AGL: variants seen among roughly 807,000 people sequenced by gnomAD.
AGL encodes the protein amylo-alpha-1,6-glucosidase and 4-alpha-glucanotransferase, also known as glycogen debranching enzyme.
In AGL, 128 loss-of-function variants were observed where a neutral mutation model predicts 199.3. The ratio of observed to expected loss-of-function variants is 0.64; its 90% CI spans 0.56 to 0.74. The LOEUF (loss-of-function observed/expected upper bound fraction) is 0.74. Ranked by LOEUF, AGL falls within the 30% of genes least tolerant of loss-of-function variation. AGL has a pLI of 0.00. For synonymous variants in AGL, 584 were observed against 594.7 expected, an observed-to-expected ratio of 0.98 and a Z score of 0.26; for missense variants, 1,809 against 1,820.8, an observed-to-expected ratio of 0.99 and a Z score of 0.12.
intron 7 of AGL, among the ~76,000 whole-genome samples, chr1:99,874,027 A>G (rs750045180): frequency 5.3e-5 from 8 of 152,110 alleles, no homozygotes; most frequent in Non-Finnish European, 1.0e-4. Flanking sequence ...CCCAAAAACC[A>G]TTTATTTCCT....
At position 99,881,110 on chromosome 1, in the gene AGL, C is replaced by T; in HGVS notation, c.1934C>T (p.Thr645Ile). 1 of 1,613,912 alleles carries T rather than the reference C, an allele frequency of 6.2e-7. No homozygotes were observed. The highest frequency in any genetic ancestry group is 8.5e-7 in the Non-Finnish European group (1 of 1,179,910). Residue 645 changes from threonine (T) to isoleucine (I), a missense_variant, in exon 15 of 34, where the codon ACA (threonine) becomes ATA (isoleucine). Transcript: ENST00000361915. Reference protein sequence around the residue: ...RSAYDALPSTTIVSMACCASG... With the variant: ...RSAYDALPSTIIVSMACCASG... ...GCGTATGATGCTCTTCCAAGTACTACAATTGTTTCTATGGCATGTTGTGCT... is the reference window on the plus strand; with the variant it reads ...GCGTATGATGCTCTTCCAAGTACTATAATTGTTTCTATGGCATGTTGTGCT...
intron 7 of AGL, among the ~76,000 whole-genome samples, chr1:99,871,699 A>G (rs1231951144): frequency 6.6e-6 from 1 of 152,158 alleles, no homozygotes; most frequent in African/African-American, 2.4e-5. Context: ...TAACACCTTA[A>G]TACAGGAATT....
At chr1:99,855,798 C>G (rs1344902826) in intron 2 of AGL, among the ~76,000 whole-genome samples, 1 of 149,314 alleles carries the variant, frequency 6.7e-6, no homozygotes. Context: ...GAGACTCGGT[C>G]TCAAAAAAAA....
intron 2 of AGL, among the ~76,000 whole-genome samples, chr1:99,851,640 C>G (rs1456350893): frequency 6.6e-6 from 1 of 151,932 alleles, no homozygotes; most frequent in Non-Finnish European, 1.5e-5. Flanking sequence ...ATTTTCTTAG[C>G]AAATAAAAAG....
At chr1:99,863,519 C>G (rs1383953778) in intron 4 of AGL, among the ~76,000 whole-genome samples, 1 of 152,102 alleles carries the variant, frequency 6.6e-6, no homozygotes, top group Non-Finnish European at 1.5e-5. Context: ...TTGGCGCAAT[C>G]TCGGCTCACT....
At chr1:99,911,186 A>G (rs778424423) in intron 28 of AGL, among the ~76,000 whole-genome samples, 1 of 152,226 alleles carries the variant, frequency 6.6e-6, no homozygotes, top group Non-Finnish European at 1.5e-5. Flanking sequence ...TTTTGCAAAC[A>G]TAGAAAACAA....
chr1:99,906,660 C>T (rs1411618167), intron 27 of AGL, among the ~76,000 whole-genome samples: 3 of 152,092 alleles, frequency 2.0e-5, no homozygotes, highest in Non-Finnish European at 4.4e-5. Context: ...CTGATTTTTT[C>T]CACTTAGCAT....
chr1:99,897,271 A>G (rs1007961126), intron 25 of AGL, among the ~76,000 whole-genome samples: 2 of 152,170 alleles, frequency 1.3e-5, no homozygotes, highest in African/African-American at 4.8e-5. Flanking sequence ...CTTGGACCCT[A>G]TGCCAAACCT....
chr1:99,882,068 G>T (rs11166366), intron 17 of AGL, among the ~76,000 whole-genome samples: 2 of 150,924 alleles, frequency 1.3e-5, no homozygotes, highest in East Asian at 1.9e-4. Context: ...GAGCCCAGCA[G>T]GCAGTGGTTA....
At chr1:99,866,666 C>T (rs888008572) in intron 5 of AGL, among the ~76,000 whole-genome samples, 1 of 152,162 alleles carries the variant, frequency 6.6e-6, no homozygotes. Flanking sequence ...CTGAGTACAG[C>T]AGCAGTCTCT....
chr1:99,889,773 CCTTATCTTTCTAATGAAATGATTCTT>C lies in AGL; in HGVS notation c.2813-1437_2813-1412del, dbSNP rs1399146427. 3.3e-5 allele frequency among the ~76,000 whole-genome samples: 5 copies of C among 152,164 alleles called. No homozygotes were observed. In the East Asian group the frequency reaches 9.7e-4, roughly 29 times the overall value. On this transcript the variant is annotated intron_variant, in intron 21 of 33. Coordinates refer to ENST00000361915, the MANE Select transcript of AGL (RefSeq NM_000642.3). ...TTAAGTTTGGTTCTTTGCTAATTCT[CCTTATCTTTCTAATGAAATGATTCTT>C]CTTATCTTTTCTAAATAGAATTGCC...
chr1:99,898,391 G>C (rs1299847760), intron 25 of AGL, among the ~76,000 whole-genome samples: 1 of 152,062 alleles, frequency 6.6e-6, no homozygotes, highest in Non-Finnish European at 1.5e-5. Flanking sequence ...TTTAAAAGAA[G>C]AAAGCATGTG....
chr1:99,907,229 G>T (rs1347959186), intron 27 of AGL, among the ~76,000 whole-genome samples: 1 of 152,090 alleles, frequency 6.6e-6, no homozygotes, highest in African/African-American at 2.4e-5. Flanking sequence ...TTATTGACTT[G>T]TAGAAGTTTC....
At chr1:99,897,413 C>G (rs1373790754) in intron 25 of AGL, among the ~76,000 whole-genome samples, 4 of 152,166 alleles carry the variant, frequency 2.6e-5, no homozygotes, top group Non-Finnish European at 1.5e-5. Flanking sequence ...ATAAAACTTT[C>G]AGCAAAAGGG....
chr1:99,857,847 A>AGGGGGAGGCCGTGGGG (rs1649686521), intron 2 of AGL, among the ~76,000 whole-genome samples: 1 of 8,226 alleles, frequency 1.2e-4, no homozygotes. Context: ...GGGGAGGGGG[A>AGGGGGAGGCCGTGGGG]GGGGGGAAGA....
intron 30 of AGL, 34 bp from the exon 31 acceptor site, chr1:99,915,355 A>C (rs1440570954): frequency 6.5e-7 from 1 of 1,532,676 alleles, no homozygotes; most frequent in Non-Finnish European, 9.0e-7. Flanking sequence ...CTGTGATCTT[A>C]AAAATTTGTA....
intron 24 of AGL, among the ~76,000 whole-genome samples, chr1:99,894,612 A>G (rs548682139): frequency 4.6e-5 from 7 of 152,330 alleles, no homozygotes; most frequent in African/African-American, 1.7e-4. Context: ...TGGAGACAAC[A>G]TAGGTAGGAA....
Position 99,916,719 on chromosome 1 carries a change from T to A in AGL, c.4469T>A (p.Val1490Asp). Residue 1490 changes from valine (V) to aspartate (D), a missense_variant, in exon 33 of 34, where the codon GTT becomes GAT. Val to Asp is a radical substitution (Grantham distance 152). Coordinates refer to ENST00000361915, the MANE Select transcript of AGL (RefSeq NM_000642.3). ...AAAAATGTTCTTTCCCGACATTATG[T>A]TCATCTTGAGAGGTAAGTCATCAGG... Reference protein sequence around the residue: ...LVKNVLSRHYVHLERSPWKGL... With the variant: ...LVKNVLSRHYDHLERSPWKGL... 6.2e-7 allele frequency: 1 copy of A among 1,613,318 alleles called. No individual in the cohort carries two copies. The highest frequency in any genetic ancestry group is 1.3e-5 in the African/African-American group (1 of 75,006).
chr1:99,869,680 T>C (rs563224469), intron 5 of AGL, among the ~76,000 whole-genome samples: 58 of 152,374 alleles, frequency 3.8e-4, no homozygotes, highest in African/African-American at 1.4e-3. Context: ...GTGGTAAATA[T>C]TCAGTAATTG....
Sources: gnomAD v4.1 joint callset for allele counts (sites outside exome capture counted in the v4.1 genomes callset) on GRCh38, gnomAD v4.1.1 for gene constraint, MANE v1.5 for transcripts, NCBI Gene and HGNC (gene_info 2026-07-23, HGNC 2026-07-21) for gene names.